SCNN1A: variants seen among roughly 807,000 people sequenced by gnomAD.
SCNN1A encodes the protein epithelial sodium channel subunit alpha.
In SCNN1A, 65 loss-of-function variants were observed where a neutral mutation model predicts 68.6. The ratio of observed to expected loss-of-function variants is 0.95; its 90% CI spans 0.78 to 1.16. The LOEUF is 1.16. SCNN1A is among the 50% of genes most tolerant of loss of function. The pLI is 0.00. For synonymous variants in SCNN1A, 357 were observed against 353.3 expected (o/e 1.01, Z -0.12); for missense variants, 880 against 865.9 (o/e 1.02, Z -0.20).
chr12:6,356,082 C>T (rs1370735032), intron 4 of SCNN1A: 6 of 629,160 alleles, frequency 9.5e-6, no homozygotes, highest in African/African-American at 1.8e-5. Flanking sequence ...CTCCAACCAA[C>T]AGCCTGTGAG....
rs1418937220 is a variant in SCNN1A at position 6,354,479 on chromosome 12, T to C, written c.1319A>G (p.Gln440Arg). 6.2e-7 allele frequency: 1 copy of C among 1,613,536 alleles called. No homozygotes were observed. Among genetic ancestry groups the C allele is most frequent in the East Asian group, 2.2e-5 (1 of 44,870 alleles). ...TCTGTAGTCACAGTACTCCACGTTC[T>C]GGGGCCGCGGATAGAAGATGTAGGC... Reference protein sequence around the residue: ...GCAYIFYPRPQNVEYCDYRKH... With the variant: ...GCAYIFYPRPRNVEYCDYRKH... Residue 440 changes from glutamine (Q) to arginine (R), a missense_variant, in exon 8 of 13, where the codon CAG (glutamine) becomes CGG (arginine). This residue lies in a region of SCNN1A where 758 missense variants were observed against 721.8 expected (regional missense o/e 1.05). Transcript: ENST00000228916.
intron 12 of SCNN1A, 92 bp downstream of exon 12, chr12:6,348,635 G>T: frequency 1.8e-6 from 2 of 1,115,998 alleles, no homozygotes; most frequent in Non-Finnish European, 1.4e-6. Flanking sequence ...GAGCCTTCTG[G>T]CCCACAGAGA....
At position 6,363,437 on chromosome 12, in the gene SCNN1A, C is replaced by A; in HGVS notation, c.684+6G>T. 6.4e-7 allele frequency: 1 copy of A among 1,560,114 alleles called. No homozygotes were observed. Among genetic ancestry groups the A allele is most frequent in the Non-Finnish European group, 8.7e-7 (1 of 1,154,752 alleles). On this transcript the variant is annotated splice_donor_region_variant and intron_variant, in intron 3 of 12. Transcript: ENST00000228916. ...GGGGCGGGCCCCTCGGCGCTGCGGG[C>A]CTCACCAGCTGGAAGCCGATCTTCC...
At chr12:6,349,789 C>G (rs920486751) in intron 8 of SCNN1A, 5 of 220,888 alleles carry the variant, frequency 2.3e-5, no homozygotes, top group Admixed American at 5.2e-5. Context: ...TGCAGTGGCG[C>G]AATCTTGGCT....
chr12:6,362,001 C>G, intron 4 of SCNN1A, 50 bp downstream of exon 4: 5 of 1,595,440 alleles, frequency 3.1e-6, no homozygotes, highest in Non-Finnish European at 4.3e-6. Context: ...GAGGCTGACC[C>G]AGGGAAGCGG....
chr12:6,373,996 T>C (rs1257240564), intron 2 of SCNN1A, among the ~76,000 whole-genome samples: 3 of 152,220 alleles, frequency 2.0e-5, no homozygotes, highest in Admixed American at 6.5e-5. Context: ...CGAGGTCTTA[T>C]ACTTTGCTGG....
At chr12:6,366,661 G>A (rs1342560565) in intron 2 of SCNN1A, among the ~76,000 whole-genome samples, 1 of 152,086 alleles carries the variant, frequency 6.6e-6, no homozygotes, top group Non-Finnish European at 1.5e-5. Context: ...TTAGCCGGGC[G>A]TGGTGGCACA....
At position 6,374,834 on chromosome 12, in the gene SCNN1A, T is replaced by G; in HGVS notation, c.-51A>C. 6.2e-7 allele frequency: 1 copy of G among 1,613,996 alleles called. No individual in the cohort carries two copies. The highest frequency in any genetic ancestry group is 8.5e-7 in the Non-Finnish European group (1 of 1,179,998). ...CTAGGGTCCTGCTCCTCCAGCTTGT[T>G]CCCCTTCATGAGCCCCGGAGTGGAT... is the stretch of plus-strand genomic sequence containing the variant. On this transcript the variant is annotated 5_prime_UTR_variant, in exon 2 of 13. Coordinates refer to ENST00000228916, the MANE Select transcript of SCNN1A (RefSeq NM_001038.6). This position sits in a 1 kb window ranked among gnomAD's most constrained non-coding sequence, Gnocchi z 6.2.
At chr12:6,359,760 A>G (rs532810373) in intron 4 of SCNN1A, among the ~76,000 whole-genome samples, 14 of 122,874 alleles carry the variant, frequency 1.1e-4, no homozygotes, top group African/African-American at 2.5e-4. Flanking sequence ...AGACTCAGAT[A>G]TTCCTTTTTT....
upstream of SCNN1A, chr12:6,376,319 G>T: frequency 3.4e-6 from 1 of 297,040 alleles, no homozygotes. Context: ...CGGGGCCCTA[G>T]GACATTCTGT....
chr12:6,363,718 G>A lies in SCNN1A; in HGVS notation c.417-8C>T, dbSNP rs1948623738. 6.3e-7 allele frequency: 1 copy of A among 1,594,214 alleles called. No individual in the cohort carries two copies. The highest frequency in any genetic ancestry group is 8.5e-7 in the Non-Finnish European group (1 of 1,169,940). ...TCTTTAATTTCCGGGTACCTGAAGG[G>A]GCGAGGGGAAGAGGGTCAGGCCAGG... On this transcript the variant is annotated splice_region_variant and splice_polypyrimidine_tract_variant and intron_variant, in intron 2 of 12. Coordinates refer to ENST00000228916, the MANE Select transcript of SCNN1A (RefSeq NM_001038.6).
At chr12:6,364,515 G>C (rs1948642025) in intron 2 of SCNN1A, among the ~76,000 whole-genome samples, 1 of 152,122 alleles carries the variant, frequency 6.6e-6, no homozygotes, top group African/African-American at 2.4e-5. Flanking sequence ...CAGCATTTTG[G>C]GAGGCCGAGG....
At chr12:6,359,274 A>T (rs6489712) in intron 4 of SCNN1A, among the ~76,000 whole-genome samples, 25,288 of 152,134 alleles carry the variant, frequency 0.17, 4,597 homozygotes, top group African/African-American at 0.46. Context: ...AAGTGTTATT[A>T]AAAAAAGATT....
chr12:6,369,824 A>G (rs1408108197), intron 2 of SCNN1A, among the ~76,000 whole-genome samples: 1 of 124,116 alleles, frequency 8.1e-6, no homozygotes, highest in African/African-American at 3.2e-5. Flanking sequence ...ACAGTGCAAG[A>G]CTCTGTCTCA....
chr12:6,347,748 C>G lies in SCNN1A; in HGVS notation c.*125G>C, dbSNP rs1948282571. Reference sequence around the variant, plus strand: ...AGCCCTTACCCATCTTGCTTCCCCTCCACACATCAACGGCAGTTTGGGCGG... The same window carrying G: ...AGCCCTTACCCATCTTGCTTCCCCTGCACACATCAACGGCAGTTTGGGCGG... On this transcript the variant is annotated 3_prime_UTR_variant, in exon 13 of 13. Transcript: ENST00000228916. 3.7e-6 allele frequency: 3 copies of G among 819,726 alleles called. No individual in the cohort carries two copies. Among genetic ancestry groups the G allele is most frequent in the Non-Finnish European group, 4.1e-6 (2 of 490,590 alleles). 50.8% of individuals were successfully genotyped at this position (819,726 alleles called of 1,614,324 possible).
Position 6,365,505 on chromosome 12 carries a change from C to A in SCNN1A, c.417-1795G>T, listed in dbSNP as rs369251858. Among the ~76,000 whole-genome samples, 7 of 152,206 alleles carry A rather than the reference C, an allele frequency of 4.6e-5. No homozygotes were observed. In the East Asian group the frequency reaches 7.7e-4, roughly 17 times the overall value. Reference sequence around the variant, plus strand: ...CAATGCGGTTCTTGGTAAGGAGAGACAATAGATCAATGGAATAGAATAGAG... The same window carrying A: ...CAATGCGGTTCTTGGTAAGGAGAGAAAATAGATCAATGGAATAGAATAGAG... On this transcript the variant is annotated intron_variant, in intron 2 of 12. Coordinates refer to ENST00000228916, the MANE Select transcript of SCNN1A (RefSeq NM_001038.6).
In SCNN1A at chr12:6,347,804, T is replaced by C. The variant is rs1230500939; in HGVS notation, c.*69A>G. 37 of 1,379,746 alleles carry C rather than the reference T, an allele frequency of 2.7e-5. No homozygotes were observed. Among genetic ancestry groups the C allele is most frequent in the East Asian group, 9.4e-5 (4 of 42,494 alleles). The allele number at this position is 1,379,746 out of a possible 1,614,324, so 85.5% of individuals were successfully genotyped here. A position where few individuals can be genotyped will look rare whatever the true frequency, so the allele number is the denominator to read the frequency against. ...AGAGGAAGCCCTGCACATCCTTCAA[T>C]CTTGCCAGGGCCAGCACCCTCCCAC... On this transcript the variant is annotated 3_prime_UTR_variant, in exon 13 of 13. Transcript: ENST00000228916.
chr12:6,360,387 T>C (rs1321950212), intron 4 of SCNN1A, among the ~76,000 whole-genome samples: 2 of 140,462 alleles, frequency 1.4e-5, no homozygotes, highest in East Asian at 4.3e-4. Context: ...CAGGTGTCCA[T>C]GGACTTTCTG....
At chr12:6,369,265 C>A (rs562500929) in intron 2 of SCNN1A, among the ~76,000 whole-genome samples, 1 of 151,922 alleles carries the variant, frequency 6.6e-6, no homozygotes, top group Admixed American at 6.5e-5. Flanking sequence ...CATGCTGCCA[C>A]CCTACACGCC....
Sources: allele counts gnomAD v4.1 joint callset (sites outside exome capture counted in the v4.1 genomes callset), GRCh38; gene constraint gnomAD v4.1.1; regional missense constraint gnomAD v4.1.1; non-coding constraint Gnocchi (gnomAD v3.1); transcripts MANE v1.5; gene names NCBI Gene and HGNC (gene_info 2026-07-23, HGNC 2026-07-21).